The following DOP1A variants were observed in gnomAD, a reference collection of about 807,000 sequenced individuals.
DOP1A encodes DOP1 leucine zipper like protein A, also known as protein DOP1A.
DOP1A carries 90 observed loss-of-function variants against 267.6 expected under a neutral mutation model. The ratio of observed to expected loss-of-function variants is 0.34; its 90% CI spans 0.28 to 0.40. DOP1A has a LOEUF of 0.40. Among genes scored for constraint, DOP1A ranks in the 10% least tolerant of loss-of-function variants. The pLI is 1.00. For synonymous variants in DOP1A, 932 were observed against 999.1 expected (o/e 0.93, Z 1.27); for missense variants, 2,437 against 2,900.4 (o/e 0.84, Z 3.67).
In DOP1A at chr6:83,151,871, T is replaced by G; in HGVS notation, c.5905-12T>G. 6.2e-7 allele frequency: 1 copy of G among 1,612,744 alleles called. No homozygotes were observed. Among genetic ancestry groups the G allele is most frequent in the Non-Finnish European group, 8.5e-7 (1 of 1,179,078 alleles). On this transcript the variant is annotated splice_polypyrimidine_tract_variant and intron_variant, in intron 28 of 38. Transcript: ENST00000349129. ...GTGTACCATACATAGTTGTTCTTCCTTATTTTTTTAGGATGTAACTCACAA... is the reference window on the plus strand; with the variant it reads ...GTGTACCATACATAGTTGTTCTTCCGTATTTTTTTAGGATGTAACTCACAA...
At chr6:83,100,334 G>A (rs4317381) in intron 3 of DOP1A, among the ~76,000 whole-genome samples, 117,337 of 151,930 alleles carry the variant, frequency 0.77, 45,394 homozygotes, top group Middle Eastern at 0.83. Flanking sequence ...TAGCAAAAAT[G>A]GATTGAAGGC....
rs1779397152 is a variant in DOP1A at position 83,140,226 on chromosome 6, G to C, written c.5238G>C (p.Leu1746Phe). 9 of 1,610,330 alleles carry C rather than the reference G, an allele frequency of 5.6e-6. No individual in the cohort carries two copies. Among genetic ancestry groups the C allele is most frequent in the Non-Finnish European group, 7.6e-6 (9 of 1,178,940 alleles). The change falls in exon 23 of 39, where the codon TTG becomes TTC. Residue 1746 changes from leucine (L) to phenylalanine (F), a missense_variant. Physicochemically the swap from Leu to Phe is conservative, Grantham distance 22. Around this residue, in one of 9 missense-constraint regions of DOP1A, gnomAD observed 307 missense variants for 308.6 expected, o/e 0.99. Transcript: ENST00000349129. ...TTTCCCCCAACTGTTAATAGCTTTT[G>C]GTCAGTGTAGACCAGAAACACTTGT... ...LDPTTQYHQLLVSVDQKHLFE... is the reference protein window; with the variant it reads ...LDPTTQYHQLFVSVDQKHLFE...
chr6:83,164,656 A>G (rs1785018843), intron 38 of DOP1A: 1 of 1,570,342 alleles, frequency 6.4e-7, no homozygotes, highest in Non-Finnish European at 8.6e-7. Context: ...CTTTCCTTCC[A>G]CAGGACAAGG....
chr6:83,081,557 T>TA (rs926175609), intron 1 of DOP1A, among the ~76,000 whole-genome samples: 49 of 150,860 alleles, frequency 3.2e-4, no homozygotes, highest in South Asian at 1.0e-3. Flanking sequence ...TCTTGGGTTA[T>TA]AAAAAAAAAT....
chr6:83,137,716 A>G lies in DOP1A; in HGVS notation c.3674A>G (p.His1225Arg), dbSNP rs774016490. 1.2e-6 allele frequency: 2 copies of G among 1,613,602 alleles called. No homozygotes were observed. Among genetic ancestry groups the G allele is most frequent in the Non-Finnish European group, 1.7e-6 (2 of 1,179,826 alleles). Residue 1225 changes from histidine to arginine, a missense_variant, in exon 21 of 39, where the codon CAT becomes CGT. By Grantham distance (29) the His-to-Arg change is conservative. Around this residue, in one of 9 missense-constraint regions of DOP1A, gnomAD observed 878 missense variants for 992.9 expected, o/e 0.88. Coordinates refer to ENST00000349129, the MANE Select transcript of DOP1A (RefSeq NM_015018.4). Reference sequence around the variant, plus strand: ...CTGTCTGTGTCTGCAGAGGGAGGCCATGAGTGTGTGGCAAATGGAATCTCC... The same window carrying G: ...CTGTCTGTGTCTGCAGAGGGAGGCCGTGAGTGTGTGGCAAATGGAATCTCC... Reference protein sequence around the residue: ...QFLSVSAEGGHECVANGISRN... With the variant: ...QFLSVSAEGGRECVANGISRN...
At chr6:83,070,826 T>G (rs1348592421) in intron 1 of DOP1A, among the ~76,000 whole-genome samples, 5 of 152,238 alleles carry the variant, frequency 3.3e-5, no homozygotes, top group Non-Finnish European at 7.3e-5. Context: ...TAATGTAATA[T>G]TTCCTCAACT....
At position 83,137,246 on chromosome 6, in the gene DOP1A, T is replaced by A; in HGVS notation, c.3204T>A (p.Phe1068Leu). The A allele has an allele frequency of 3.7e-6, 6 of 1,611,656 alleles. No individual in the cohort carries two copies. Among genetic ancestry groups the A allele is most frequent in the Non-Finnish European group, 5.1e-6 (6 of 1,178,502 alleles). The change falls in exon 21 of 39, where the codon TTT becomes TTA. Residue 1068 changes from phenylalanine (F) to leucine (L), a missense_variant. Phe to Leu is a conservative substitution (Grantham distance 22). Transcript: ENST00000349129. ...TTACCATGGATGAAATAGAGAACTTTAGTCTCACTGTGAATCCATTAAGTG... is the reference window on the plus strand; with the variant it reads ...TTACCATGGATGAAATAGAGAACTTAAGTCTCACTGTGAATCCATTAAGTG... ...KPLTMDEIENFSLTVNPLSDR... is the reference protein window; with the variant it reads ...KPLTMDEIENLSLTVNPLSDR...
At chr6:83,132,367 A>C in intron 18 of DOP1A, 39 bp downstream of exon 18, 1 of 995,882 alleles carries the variant, frequency 1.0e-6, no homozygotes. Context: ...CCCCTCCGCC[A>C]CACACACACA....
chr6:83,068,492 A>G (rs376029018), intron 1 of DOP1A, among the ~76,000 whole-genome samples: 1 of 152,282 alleles, frequency 6.6e-6, no homozygotes, highest in South Asian at 2.1e-4. Context: ...TTTTTACACT[A>G]TCTTAGAGTT....
intron 1 of DOP1A, among the ~76,000 whole-genome samples, chr6:83,078,645 T>C (rs1767549012): frequency 6.6e-6 from 1 of 152,172 alleles, no homozygotes; most frequent in African/African-American, 2.4e-5. Context: ...CTTGACAGAC[T>C]TTACAGCATT....
intron 1 of DOP1A, among the ~76,000 whole-genome samples, chr6:83,083,312 G>T (rs767768320): frequency 1.5e-4 from 22 of 150,594 alleles, no homozygotes; most frequent in South Asian, 4.2e-4. Flanking sequence ...TTTTTTTTAA[G>T]TACAATTTCT....
At chr6:83,134,373 G>A in intron 19 of DOP1A, 86 bp downstream of exon 19, 2 of 1,030,534 alleles carry the variant, frequency 1.9e-6, no homozygotes, top group Non-Finnish European at 1.4e-6. Context: ...CTTGGCAAGT[G>A]TAGGAGATAG....
intron 33 of DOP1A, 157 bp downstream of exon 33, chr6:83,154,398 G>A (rs1782315910): frequency 1.6e-6 from 1 of 631,702 alleles, no homozygotes; most frequent in Non-Finnish European, 2.7e-6. Flanking sequence ...ACTACTTTCT[G>A]TACGCTATGG....
chr6:83,121,511 T>C (rs915454034), intron 10 of DOP1A, among the ~76,000 whole-genome samples: 1 of 151,720 alleles, frequency 6.6e-6, no homozygotes, highest in Admixed American at 6.6e-5. Flanking sequence ...TAGCAGTAAT[T>C]ACAAGTAGCT....
Position 83,156,086 on chromosome 6 carries a change from A to C in DOP1A, c.6587A>C (p.Tyr2196Ser). 6.2e-7 allele frequency: 1 copy of C among 1,611,486 alleles called. No individual in the cohort carries two copies. The highest frequency in any genetic ancestry group is 1.1e-5 in the South Asian group (1 of 90,186). Residue 2196 changes from tyrosine (Y) to serine (S), a missense_variant, in exon 34 of 39, where the codon TAT becomes TCT. By Grantham distance (144) the Tyr-to-Ser change is moderately radical (BLOSUM62 -2). This residue lies in a region of DOP1A where 75 missense variants were observed against 149.6 expected (regional missense o/e 0.50). Transcript: ENST00000349129. ...FSSEIDQYQK[Y>S]LPDIQERLVE... is the part of the protein sequence containing the mutation. The stretch of plus-strand genomic sequence containing the variant: ...AGTGAAATTGACCAGTACCAGAAAT[A>C]TCTTCCAGATATACAAGGTAAAAAA...
At chr6:83,154,825 A>C (rs1782436568) in intron 33 of DOP1A, among the ~76,000 whole-genome samples, 1 of 152,206 alleles carries the variant, frequency 6.6e-6, no homozygotes, top group Admixed American at 6.5e-5. Flanking sequence ...AACGTTTGAA[A>C]GTTATTAAAT....
In DOP1A at chr6:83,134,205, C is replaced by T; in HGVS notation, c.2788C>T (p.His930Tyr). The T allele has an allele frequency of 1.2e-6, 2 of 1,612,764 alleles. No homozygotes were observed. The highest frequency in any genetic ancestry group is 1.7e-6 in the Non-Finnish European group (2 of 1,179,288). ...HKDKKIRMEAHAKFAVLWHLT... is the reference protein window; with the variant it reads ...HKDKKIRMEAYAKFAVLWHLT... Reference sequence around the variant, plus strand: ...TCCTCAGAAAATAAGGATGGAAGCACATGCCAAGTTTGCAGTTCTTTGGCA... The same window carrying T: ...TCCTCAGAAAATAAGGATGGAAGCATATGCCAAGTTTGCAGTTCTTTGGCA... Residue 930 changes from histidine (H) to tyrosine (Y), a missense_variant, in exon 19 of 39, where the codon CAT becomes TAT. His to Tyr is a moderately conservative substitution (Grantham distance 83). Around this residue, in one of 9 missense-constraint regions of DOP1A, gnomAD observed 878 missense variants for 992.9 expected, o/e 0.88. Coordinates refer to ENST00000349129, the MANE Select transcript of DOP1A (RefSeq NM_015018.4).
At chr6:83,157,427 G>C (rs887959191) in intron 35 of DOP1A, 109 bp downstream of exon 35, 47 of 1,126,270 alleles carry the variant, frequency 4.2e-5, no homozygotes, top group Admixed American at 2.2e-5. Flanking sequence ...CTGAGCTGTA[G>C]TTAAACCAGT....
At chr6:83,111,799 AT>A (rs1774607575) in intron 6 of DOP1A, among the ~76,000 whole-genome samples, 1 of 152,018 alleles carries the variant, frequency 6.6e-6, no homozygotes, top group Admixed American at 6.6e-5. Flanking sequence ...ATTTGAAAAT[AT>A]TTTCCCCCAT....
Sources: gnomAD v4.1 joint callset for allele counts (sites outside exome capture counted in the v4.1 genomes callset) on GRCh38, gnomAD v4.1.1 for gene constraint, gnomAD v4.1.1 regional missense constraint, MANE v1.5 for transcripts, NCBI Gene and HGNC (gene_info 2026-07-23, HGNC 2026-07-21) for gene names.